The following PLXDC2 variants were observed in gnomAD, a reference collection of about 807,000 sequenced individuals.
PLXDC2 encodes plexin domain-containing protein 2.
In PLXDC2, 40 loss-of-function variants were observed where a neutral mutation model predicts 68.9. The ratio of observed to expected loss-of-function variants is 0.58; its 90% CI spans 0.45 to 0.76. The LOEUF (loss-of-function observed/expected upper bound fraction) is 0.76, where lower values mean the gene tolerates loss of function less well. PLXDC2 is among the 30% of genes least tolerant of loss of function. The probability of loss-of-function intolerance (pLI) is 0.00; values close to 1 mark genes in which losing one functional copy is unlikely to be tolerated. For missense variants in PLXDC2, 644 were observed against 661.9 expected (o/e 0.97, Z 0.30); for synonymous variants, 243 against 234.2 (o/e 1.04, Z -0.34).
At chr10:19,908,489 T>C (rs561464915) in intron 1 of PLXDC2, among the ~76,000 whole-genome samples, 12 of 152,282 alleles carry the variant, frequency 7.9e-5, no homozygotes, top group African/African-American at 2.9e-4. Flanking sequence ...GGGTGGAAGT[T>C]AGGGTCACTG....
chr10:20,110,029 A>G (rs1361723241), intron 4 of PLXDC2, among the ~76,000 whole-genome samples: 1 of 152,240 alleles, frequency 6.6e-6, no homozygotes, highest in Non-Finnish European at 1.5e-5. Context: ...CAAAAAATAT[A>G]TATGTAGGCA....
intron 9 of PLXDC2, among the ~76,000 whole-genome samples, chr10:20,198,307 G>T (rs538424488): frequency 3.3e-5 from 5 of 152,070 alleles, no homozygotes; most frequent in African/African-American, 1.2e-4. Context: ...TGTTCTTTGC[G>T]TTTCACTCTC....
At chr10:20,226,858 C>G (rs904666365) in intron 12 of PLXDC2, among the ~76,000 whole-genome samples, 1 of 152,084 alleles carries the variant, frequency 6.6e-6, no homozygotes, top group African/African-American at 2.4e-5. Context: ...CTGCCCTGTT[C>G]CTATCAGAAA....
At chr10:20,253,775 A>G (rs1835708742) in intron 13 of PLXDC2, among the ~76,000 whole-genome samples, 1 of 152,104 alleles carries the variant, frequency 6.6e-6, no homozygotes, top group Non-Finnish European at 1.5e-5. Context: ...TCTCTTTAAT[A>G]CAGACACATG....
chr10:19,977,577 G>A (rs543347964), intron 1 of PLXDC2, among the ~76,000 whole-genome samples: 3 of 152,288 alleles, frequency 2.0e-5, no homozygotes, highest in South Asian at 2.1e-4. Flanking sequence ...AAGCTGTGAC[G>A]ATGTATCATA....
intron 1 of PLXDC2, among the ~76,000 whole-genome samples, chr10:19,847,299 C>T (rs888205170): frequency 1.3e-5 from 2 of 152,116 alleles, no homozygotes; most frequent in East Asian, 1.9e-4. Flanking sequence ...CAGATGATTC[C>T]AAACAGTGGA....
intron 1 of PLXDC2, among the ~76,000 whole-genome samples, chr10:19,890,676 CTTTTTT>C (rs56921191): frequency 2.0e-4 from 12 of 61,146 alleles, no homozygotes; most frequent in African/African-American, 5.2e-4. Flanking sequence ...CGCCCGGCTG[CTTTTTT>C]TTTTTTTTTT....
chr10:19,860,014 G>A (rs929693118), intron 1 of PLXDC2, among the ~76,000 whole-genome samples: 2 of 152,176 alleles, frequency 1.3e-5, no homozygotes, highest in Non-Finnish European at 2.9e-5. Context: ...ACAGACGTGA[G>A]CCACTGTGCC....
chr10:20,100,117 G>C (rs7097249), intron 4 of PLXDC2, among the ~76,000 whole-genome samples: 5,118 of 152,166 alleles, frequency 0.034, 292 homozygotes, highest in African/African-American at 0.12. Context: ...TACACAATAA[G>C]AGCACAAACT....
intron 1 of PLXDC2, among the ~76,000 whole-genome samples, chr10:19,827,348 G>A (rs913169083): frequency 6.6e-6 from 1 of 152,114 alleles, no homozygotes; most frequent in East Asian, 1.9e-4. Flanking sequence ...GGCTATTTCA[G>A]GAGGTTCTTT....
At chr10:20,180,405 C>T (rs919282662) in intron 9 of PLXDC2, among the ~76,000 whole-genome samples, 1 of 151,964 alleles carries the variant, frequency 6.6e-6, no homozygotes, top group Admixed American at 6.6e-5. Context: ...ACTTAATTTC[C>T]CCACTGCATT....
At chr10:20,218,159 G>A (rs776876203) in intron 11 of PLXDC2, among the ~76,000 whole-genome samples, 1 of 152,116 alleles carries the variant, frequency 6.6e-6, no homozygotes, top group Non-Finnish European at 1.5e-5. Flanking sequence ...CACAGCTCAG[G>A]AGGAAGAAAG....
chr10:20,066,788 T>C (rs886269127), intron 3 of PLXDC2, among the ~76,000 whole-genome samples: 5 of 152,134 alleles, frequency 3.3e-5, no homozygotes, highest in African/African-American at 9.7e-5. Flanking sequence ...ATTTGCAAAA[T>C]GGGAAAAAGC....
intron 13 of PLXDC2, among the ~76,000 whole-genome samples, chr10:20,257,771 T>C (rs1835760025): frequency 6.6e-6 from 1 of 152,190 alleles, no homozygotes; most frequent in South Asian, 2.1e-4. Context: ...TGCTATTCTT[T>C]ACTTTCCCTT....
intron 4 of PLXDC2, among the ~76,000 whole-genome samples, chr10:20,137,845 C>T (rs1833953712): frequency 6.6e-6 from 1 of 152,144 alleles, no homozygotes; most frequent in Non-Finnish European, 1.5e-5. Flanking sequence ...CTCCCACATT[C>T]CAAAGATGTG....
intron 1 of PLXDC2, among the ~76,000 whole-genome samples, chr10:19,977,546 T>G (rs1380827475): frequency 6.6e-6 from 1 of 152,192 alleles, no homozygotes; most frequent in East Asian, 1.9e-4. Context: ...CTTTCACCAT[T>G]GCACAGTATG....
At chr10:19,888,718 A>G (rs547412636) in intron 1 of PLXDC2, among the ~76,000 whole-genome samples, 1 of 152,288 alleles carries the variant, frequency 6.6e-6, no homozygotes, top group East Asian at 1.9e-4. Flanking sequence ...AGTTTGTCAA[A>G]TGATGAGGTT....
At chr10:20,083,909 T>C (rs575502795) in intron 4 of PLXDC2, among the ~76,000 whole-genome samples, 1 of 152,232 alleles carries the variant, frequency 6.6e-6, no homozygotes, top group Non-Finnish European at 1.5e-5. Flanking sequence ...AAAAAGATTT[T>C]CATGATTCTT....
chr10:19,910,231 C>T (rs1302006394), intron 1 of PLXDC2, among the ~76,000 whole-genome samples: 1 of 151,228 alleles, frequency 6.6e-6, no homozygotes, highest in Non-Finnish European at 1.5e-5. Context: ...TTGTAAACCT[C>T]TTTCATCTTT....
Sources: allele counts gnomAD v4.1 joint callset (sites outside exome capture counted in the v4.1 genomes callset), GRCh38; gene constraint gnomAD v4.1.1; transcripts MANE v1.5; gene names NCBI Gene and HGNC (gene_info 2026-07-23, HGNC 2026-07-21).